Variants in GAN observed in about 807,000 individuals in gnomAD.
The protein encoded by GAN is epididymis secretory sperm binding protein.
Under a neutral mutation model 71.3 loss-of-function variants are expected in GAN, and 48 were observed. The ratio of observed to expected loss-of-function variants is 0.67; its 90% confidence interval spans 0.53 to 0.86. The LOEUF (loss-of-function observed/expected upper bound fraction) is 0.86. Ranked by LOEUF, GAN falls within the 40% of genes least tolerant of loss-of-function variation. GAN has a pLI of 0.00. For missense variants in GAN, 928 were observed against 770.1 expected, an observed-to-expected ratio of 1.21 and a Z score of -2.43; for synonymous variants, 386 against 276.8, an observed-to-expected ratio of 1.39 and a Z score of -3.92.
chr16:81,361,988 T>G (rs1213650346), intron 5 of GAN, among the ~76,000 whole-genome samples: 1 of 152,236 alleles, frequency 6.6e-6, no homozygotes, highest in Non-Finnish European at 1.5e-5. Context: ...AGATTATTTT[T>G]TAAATGTTTT....
intron 1 of GAN, among the ~76,000 whole-genome samples, chr16:81,331,154 G>C (rs1182819447): frequency 6.6e-6 from 1 of 152,330 alleles, no homozygotes; most frequent in Middle Eastern, 3.4e-3. Flanking sequence ...GCAGTGATCT[G>C]TGCTCGCACC....
At chr16:81,315,971 G>T (rs1382269488) in intron 1 of GAN, among the ~76,000 whole-genome samples, 1 of 152,260 alleles carries the variant, frequency 6.6e-6, no homozygotes, top group Non-Finnish European at 1.5e-5. Context: ...GAAGTAAACT[G>T]TAGCGAATTC....
In GAN at chr16:81,381,047, A is replaced by G. The variant is rs1166181099; in HGVS notation, c.*3451A>G. On this transcript the variant is annotated 3_prime_UTR_variant, in exon 11 of 11. Coordinates refer to ENST00000648994, the MANE Select transcript of GAN (RefSeq NM_022041.4). ...GACACTTCCTTCATTGATGGCTTGG[A>G]AGTGTCATTTTTATAATTTATGAGT... The G allele has an allele frequency of 6.6e-6, 1 of 152,120 alleles. No homozygotes were observed. The highest frequency in any genetic ancestry group is 6.5e-5 in the Admixed American group (1 of 15,278). 9.4% of individuals were successfully genotyped at this position (152,120 alleles called of 1,614,324 possible).
At chr16:81,329,374 ACT>A (rs1909497574) in intron 1 of GAN, among the ~76,000 whole-genome samples, 1 of 151,588 alleles carries the variant, frequency 6.6e-6, no homozygotes, top group African/African-American at 2.4e-5. Context: ...GGCCAAATAA[ACT>A]CTCTACTTAT....
chr16:81,370,124 A>G (rs1050311646), intron 9 of GAN, among the ~76,000 whole-genome samples: 1 of 152,230 alleles, frequency 6.6e-6, no homozygotes, highest in South Asian at 2.1e-4. Context: ...GCCTTGCCTC[A>G]GGGCTGTATC....
intron 5 of GAN, among the ~76,000 whole-genome samples, chr16:81,361,337 A>G (rs1022390271): frequency 3.9e-5 from 6 of 152,222 alleles, no homozygotes; most frequent in African/African-American, 9.6e-5. Flanking sequence ...GAAGTTTTGC[A>G]TTTGTTTCTG....
intron 9 of GAN, among the ~76,000 whole-genome samples, chr16:81,373,095 C>T (rs981858690): frequency 1.3e-5 from 2 of 152,182 alleles, no homozygotes; most frequent in African/African-American, 4.8e-5. Context: ...AATGTGGAAG[C>T]CACCTGCCTT....
intron 2 of GAN, among the ~76,000 whole-genome samples, chr16:81,352,204 C>T (rs973137881): frequency 6.6e-6 from 1 of 152,148 alleles, no homozygotes; most frequent in African/African-American, 2.4e-5. Flanking sequence ...TTCACGATGC[C>T]CTGGTCCTGT....
chr16:81,379,411 C>G lies in GAN; in HGVS notation c.*1815C>G, dbSNP rs1201433296. ...GGTGTAAGGTTTTTATCTTATATGC[C>G]AGAGGCACCAGGCCAGATGTGCCGC... On this transcript the variant is annotated 3_prime_UTR_variant, in exon 11 of 11. Coordinates refer to ENST00000648994, the MANE Select transcript of GAN (RefSeq NM_022041.4). 1.3e-5 allele frequency: 2 copies of G among 152,134 alleles called. No individual in the cohort carries two copies. The highest frequency in any genetic ancestry group is 2.4e-5 in the African/African-American group (1 of 41,424). The allele number at this position is 152,134 out of a possible 1,614,324, so 9.4% of individuals were successfully genotyped here.
intron 1 of GAN, among the ~76,000 whole-genome samples, chr16:81,324,720 T>C (rs986451695): frequency 5.9e-5 from 9 of 152,170 alleles, no homozygotes; most frequent in Admixed American, 3.3e-4. Context: ...ATTGATGGCA[T>C]AGTTGAGTCT....
chr16:81,382,819 A>C lies in GAN; in HGVS notation c.*5223A>C, dbSNP rs917396534. ...AACTTGGTAAAGTTTTGTGTTTTTC[A>C]GAAGGAACCCTATTATTATTTCCAT... is the stretch of plus-strand genomic sequence containing the variant. On this transcript the variant is annotated 3_prime_UTR_variant, in exon 11 of 11. Transcript: ENST00000648994. The C allele has an allele frequency of 1.1e-4, 17 of 152,288 alleles. No homozygotes were observed. Among genetic ancestry groups the C allele is most frequent in the African/African-American group, 3.9e-4 (16 of 41,558 alleles). The allele number at this position is 152,288 out of a possible 1,614,324, so 9.4% of individuals were successfully genotyped here. A position where few individuals can be genotyped will look rare whatever the true frequency, so the allele number is the denominator to read the frequency against.
chr16:81,366,170 T>C (rs907703536), intron 9 of GAN, among the ~76,000 whole-genome samples: 1 of 152,204 alleles, frequency 6.6e-6, no homozygotes, highest in African/African-American at 2.4e-5. Context: ...TATGATTCCA[T>C]GCCCTCCAGA....
intron 1 of GAN, among the ~76,000 whole-genome samples, chr16:81,330,133 T>C (rs1396323319): frequency 6.6e-6 from 1 of 152,246 alleles, no homozygotes; most frequent in Non-Finnish European, 1.5e-5. Flanking sequence ...CCTCCTCAAG[T>C]GCCAGCTTTC....
At chr16:81,356,691 A>G in intron 3 of GAN, 94 bp from the exon 4 acceptor site, 2 of 879,848 alleles carry the variant, frequency 2.3e-6, no homozygotes, top group South Asian at 1.3e-5. Context: ...GAGTGTTAAC[A>G]GTTTGTTTTC....
chr16:81,329,510 G>T (rs934532710), intron 1 of GAN, among the ~76,000 whole-genome samples: 1 of 152,166 alleles, frequency 6.6e-6, no homozygotes, highest in Non-Finnish European at 1.5e-5. Flanking sequence ...CACAGTCTCA[G>T]CTCCTGGTTT....
intron 1 of GAN, among the ~76,000 whole-genome samples, chr16:81,336,567 G>A (rs796206682): frequency 1.4e-4 from 22 of 152,004 alleles, no homozygotes; most frequent in African/African-American, 4.8e-4. Flanking sequence ...GGGCTCAAGC[G>A]ATCCTCCCAC....
At chr16:81,341,598 C>T (rs897824424) in intron 1 of GAN, among the ~76,000 whole-genome samples, 1 of 152,152 alleles carries the variant, frequency 6.6e-6, no homozygotes, top group Non-Finnish European at 1.5e-5. Flanking sequence ...ATTTTTGTCA[C>T]CACCAGGCCT....
Position 81,382,967 on chromosome 16 carries a change from T to A in GAN, c.*5371T>A, listed in dbSNP as rs1038231329. 2.6e-5 allele frequency: 4 copies of A among 152,094 alleles called. No individual in the cohort carries two copies. The highest frequency in any genetic ancestry group is 5.9e-5 in the Non-Finnish European group (4 of 68,010). 9.4% of individuals were successfully genotyped at this position (152,094 alleles called of 1,614,324 possible). ...CAGTTTAGGAAAGTTTATTCTTTTT[T>A]ATTTTATTTTATTTTTTTAAATTTC... On this transcript the variant is annotated 3_prime_UTR_variant, in exon 11 of 11. Coordinates refer to ENST00000648994, the MANE Select transcript of GAN (RefSeq NM_022041.4).
At position 81,363,838 on chromosome 16, in the gene GAN, C is replaced by T. The variant is rs1479758682; in HGVS notation, c.1131C>T (p.Tyr377=). 1 of 1,612,374 alleles carries T rather than the reference C, an allele frequency of 6.2e-7. No homozygotes were observed. Among genetic ancestry groups the T allele is most frequent in the Non-Finnish European group, 8.5e-7 (1 of 1,178,480 alleles). ...TTGTGGAGATAGATGGGATGCTGTA[C>T]ATTTTGGGAGGAGAGGATGGTGAAA... ...FGIVEIDGML[Y]ILGGEDGEKE... Residue 377 remains tyrosine, a synonymous_variant, in exon 7 of 11, where the codon TAC becomes TAT. Transcript: ENST00000648994.
Sources: gnomAD v4.1 joint callset for allele counts (sites outside exome capture counted in the v4.1 genomes callset) on GRCh38, gnomAD v4.1.1 for gene constraint, MANE v1.5 for transcripts, NCBI Gene and HGNC (gene_info 2026-07-23, HGNC 2026-07-21) for gene names.